Variants in PRELID2 observed in about 807,000 individuals in gnomAD.
The protein encoded by PRELID2 is PRELI domain-containing protein 2.
A neutral mutation model predicts 28.4 loss-of-function variants in PRELID2; 25 were observed. The observed-to-expected ratio is 0.88, with a 90% CI of 0.64 to 1.23. The LOEUF (loss-of-function observed/expected upper bound fraction) is 1.23, where lower values mean the gene tolerates loss of function less well. Among genes scored for constraint, PRELID2 ranks in the 50% most tolerant of loss-of-function variants. PRELID2 has a pLI of 0.00. For missense variants in PRELID2, 201 were observed against 214.4 expected (o/e 0.94, Z 0.39); for synonymous variants, 76 against 71.6 (o/e 1.06, Z -0.31).
chr5:145,606,954 T>C (rs1248169729), intron 1 of PRELID2, among the ~76,000 whole-genome samples: 2 of 152,144 alleles, frequency 1.3e-5, no homozygotes, highest in Non-Finnish European at 2.9e-5. Context: ...TTCAGTTTCT[T>C]CCTGGATCAA....
chr5:145,640,592 C>T (rs891996596), intron 1 of PRELID2, among the ~76,000 whole-genome samples: 6 of 149,174 alleles, frequency 4.0e-5, no homozygotes, highest in Non-Finnish European at 7.4e-5. Context: ...TGCAGTGATC[C>T]GAGATCGCGC....
At chr5:145,814,992 G>C (rs1754199814) in intron 4 of PRELID2, among the ~76,000 whole-genome samples, 1 of 152,192 alleles carries the variant, frequency 6.6e-6, no homozygotes, top group Non-Finnish European at 1.5e-5. Context: ...CTGCATGTCG[G>C]TGCCCTCCCC....
At chr5:145,502,838 CAGA>C (rs1382271758) in intron 1 of PRELID2, among the ~76,000 whole-genome samples, 2 of 133,120 alleles carry the variant, frequency 1.5e-5, no homozygotes, top group Non-Finnish European at 3.1e-5. Context: ...TCTTGATCCC[CAGA>C]AGTTTTTTTT....
intron 4 of PRELID2, among the ~76,000 whole-genome samples, chr5:145,811,493 A>C (rs1753936956): frequency 6.6e-6 from 1 of 152,116 alleles, no homozygotes; most frequent in Admixed American, 6.5e-5. Context: ...TTGGTATGTC[A>C]CCAGGCTGGT....
chr5:145,730,989 C>T (rs1012082202), intron 1 of PRELID2, among the ~76,000 whole-genome samples: 2 of 152,170 alleles, frequency 1.3e-5, no homozygotes, highest in African/African-American at 4.8e-5. Flanking sequence ...GCCCCCTCAC[C>T]CTAAAACTAA....
intron 1 of PRELID2, among the ~76,000 whole-genome samples, chr5:145,608,042 T>C (rs978429429): frequency 7.3e-6 from 1 of 137,110 alleles, no homozygotes; most frequent in Non-Finnish European, 1.5e-5. Flanking sequence ...TAAAGCCCGT[T>C]TTTTTTTTTT....
At chr5:145,305,695 A>G in the PRELID2 span, among the ~76,000 whole-genome samples, 1 of 152,208 alleles carries the variant, frequency 6.6e-6, no homozygotes, top group Admixed American at 6.5e-5. Flanking sequence ...AAGGCCCTGC[A>G]GAACTTACAC....
chr5:145,740,928 A>C (rs1375857234), intron 1 of PRELID2, among the ~76,000 whole-genome samples: 2 of 46,016 alleles, frequency 4.3e-5, no homozygotes, highest in African/African-American at 1.1e-4. Context: ...ATTTATCGAT[A>C]AATATATATG....
chr5:145,583,324 C>G (rs972735574), intron 1 of PRELID2, among the ~76,000 whole-genome samples: 10 of 152,104 alleles, frequency 6.6e-5, no homozygotes, highest in Non-Finnish European at 1.0e-4. Context: ...AACAAACCCA[C>G]AGCCAATATC....
At chr5:145,812,045 ACTGG>A (rs1753982813) in intron 4 of PRELID2, among the ~76,000 whole-genome samples, 1 of 152,130 alleles carries the variant, frequency 6.6e-6, no homozygotes, top group Non-Finnish European at 1.5e-5. Flanking sequence ...GCAGATCTTG[ACTGG>A]ATCTGCCAAT....
chr5:145,269,632 A>G, the PRELID2 span, among the ~76,000 whole-genome samples: 1 of 151,636 alleles, frequency 6.6e-6, no homozygotes, highest in African/African-American at 2.4e-5. Flanking sequence ...AAAATTTTTC[A>G]TAGAATCTAC....
At chr5:145,742,328 A>ATAT (rs1554088336) in intron 1 of PRELID2, among the ~76,000 whole-genome samples, 7 of 137,728 alleles carry the variant, frequency 5.1e-5, no homozygotes, top group African/African-American at 1.9e-4. Context: ...AAATAGATAT[A>ATAT]TTTTTTTTTT....
the PRELID2 span, among the ~76,000 whole-genome samples, chr5:145,256,184 C>T: frequency 5.9e-5 from 9 of 151,882 alleles, no homozygotes; most frequent in Non-Finnish European, 1.2e-4. Context: ...GATAATGTTC[C>T]CATTCTTTTG....
chr5:145,475,071 A>AG (rs1752087958), intron 1 of PRELID2, among the ~76,000 whole-genome samples: 1 of 152,214 alleles, frequency 6.6e-6, no homozygotes, highest in African/African-American at 2.4e-5. Context: ...GATAAGTAGA[A>AG]TCACCAGATG....
intron 1 of PRELID2, among the ~76,000 whole-genome samples, chr5:145,578,201 C>T (rs1185760434): frequency 6.6e-6 from 1 of 152,122 alleles, no homozygotes; most frequent in Non-Finnish European, 1.5e-5. Context: ...ATGCTGAAAG[C>T]AAGCATTTCT....
At chr5:145,695,733 G>T (rs1339015833) in intron 1 of PRELID2, among the ~76,000 whole-genome samples, 1 of 152,132 alleles carries the variant, frequency 6.6e-6, no homozygotes, top group Non-Finnish European at 1.5e-5. Context: ...CCTTCCACAG[G>T]ACCCTCACAA....
At chr5:145,469,467 C>T (rs915782295), downstream of PRELID2, among the ~76,000 whole-genome samples, 3 of 152,006 alleles carry the variant, frequency 2.0e-5, no homozygotes, top group Non-Finnish European at 2.9e-5. Flanking sequence ...AATAATATCA[C>T]CTTATATGAA....
intron 1 of PRELID2, among the ~76,000 whole-genome samples, chr5:145,485,995 A>G (rs967031823): frequency 4.6e-5 from 7 of 152,204 alleles, no homozygotes; most frequent in Non-Finnish European, 8.8e-5. Flanking sequence ...TCCAACTTTC[A>G]TACGTACACC....
the PRELID2 span, among the ~76,000 whole-genome samples, chr5:145,404,216 A>T: frequency 6.6e-6 from 1 of 152,162 alleles, no homozygotes; most frequent in African/African-American, 2.4e-5. Flanking sequence ...AACAGTGAAA[A>T]TGTATGATAT....
Sources: allele counts gnomAD v4.1 joint callset (sites outside exome capture counted in the v4.1 genomes callset), GRCh38; gene constraint gnomAD v4.1.1; transcripts MANE v1.5; gene names NCBI Gene and HGNC (gene_info 2026-07-23, HGNC 2026-07-21).